NDST3: variants seen among roughly 807,000 people sequenced by gnomAD.
The protein encoded by NDST3 is bifunctional heparan sulfate N-deacetylase/N-sulfotransferase 3.
NDST3 carries 58 observed loss-of-function variants against 96.1 expected under a neutral mutation model. The ratio of observed to expected loss-of-function variants is 0.60; its 90% CI spans 0.49 to 0.75. The LOEUF (loss-of-function observed/expected upper bound fraction) is 0.75, where lower values mean the gene tolerates loss of function less well. Among genes scored for constraint, NDST3 ranks in the 30% least tolerant of loss-of-function variants. The probability of loss-of-function intolerance (pLI) is 0.00; values close to 1 mark genes in which losing one functional copy is unlikely to be tolerated. For synonymous variants in NDST3, 333 were observed against 359.7 expected, an observed-to-expected ratio of 0.93 and a Z score of 0.84; for missense variants, 788 against 1,034.2, an observed-to-expected ratio of 0.76 and a Z score of 3.27.
intron 4 of NDST3, among the ~76,000 whole-genome samples, chr4:118,119,248 T>C (rs1048729080): frequency 6.6e-6 from 1 of 152,226 alleles, no homozygotes; most frequent in African/African-American, 2.4e-5. Flanking sequence ...TTAGTGAGCA[T>C]GTTAACTTTT....
intron 2 of NDST3, among the ~76,000 whole-genome samples, chr4:118,084,323 T>G (rs773252792): frequency 6.6e-6 from 1 of 151,506 alleles, no homozygotes; most frequent in African/African-American, 2.5e-5. Flanking sequence ...ATAACATCAT[T>G]TTGTTTATCT....
intron 4 of NDST3, among the ~76,000 whole-genome samples, chr4:118,131,588 A>G (rs2125889667): frequency 6.6e-6 from 1 of 152,114 alleles, no homozygotes; most frequent in South Asian, 2.1e-4. Flanking sequence ...TTTCTCCAGT[A>G]TTGGTCTCTG....
chr4:118,134,274 A>G (rs1265591447), intron 4 of NDST3, among the ~76,000 whole-genome samples: 1 of 152,240 alleles, frequency 6.6e-6, no homozygotes, highest in African/African-American at 2.4e-5. Flanking sequence ...AAGGCTAGAC[A>G]AAGAAGCAAG....
intron 12 of NDST3, among the ~76,000 whole-genome samples, chr4:118,245,601 A>C (rs1741258701): frequency 1.3e-5 from 2 of 152,158 alleles, no homozygotes; most frequent in African/African-American, 4.8e-5. Context: ...ACTACACTAA[A>C]ACTTTCTTAT....
chr4:118,073,155 T>C (rs1486747556), intron 2 of NDST3, among the ~76,000 whole-genome samples: 1 of 152,100 alleles, frequency 6.6e-6, no homozygotes, highest in Non-Finnish European at 1.5e-5. Context: ...TTTTTGCTTC[T>C]GTGTTCATCC....
At chr4:118,132,635 C>T (rs1311325351) in intron 4 of NDST3, among the ~76,000 whole-genome samples, 1 of 152,126 alleles carries the variant, frequency 6.6e-6, no homozygotes, top group Non-Finnish European at 1.5e-5. Flanking sequence ...AAGCAGGAGT[C>T]TTTCACCATA....
chr4:118,048,065 G>A (rs1359784104), intron 1 of NDST3, among the ~76,000 whole-genome samples: 1 of 152,188 alleles, frequency 6.6e-6, no homozygotes, highest in Non-Finnish European at 1.5e-5. Flanking sequence ...AAGAGATTGA[G>A]AGCCTATTTT....
chr4:118,150,502 A>C (rs1457105468), intron 6 of NDST3, among the ~76,000 whole-genome samples: 1 of 151,916 alleles, frequency 6.6e-6, no homozygotes, highest in Non-Finnish European at 1.5e-5. Flanking sequence ...CAAAGGGCTA[A>C]TATCCAGAAT....
intron 2 of NDST3, among the ~76,000 whole-genome samples, chr4:118,085,958 G>T (rs1052316605): frequency 1.1e-4 from 16 of 152,050 alleles, no homozygotes; most frequent in African/African-American, 3.9e-4. Context: ...TCGTTACTTC[G>T]CATTTATCTG....
At chr4:118,252,998 A>G (rs1741854146) in intron 12 of NDST3, among the ~76,000 whole-genome samples, 2 of 152,340 alleles carry the variant, frequency 1.3e-5, no homozygotes, top group Non-Finnish European at 2.9e-5. Context: ...TAAATGGATT[A>G]TAGCTAGAGA....
At chr4:118,217,995 G>A (rs1739296661) in intron 6 of NDST3, among the ~76,000 whole-genome samples, 1 of 152,018 alleles carries the variant, frequency 6.6e-6, no homozygotes, top group African/African-American at 2.4e-5. Context: ...ACTAAACCAG[G>A]AAGAAGACGA....
intron 2 of NDST3, among the ~76,000 whole-genome samples, chr4:118,058,634 T>TGTGC (rs1491357876): frequency 9.5e-4 from 11 of 11,568 alleles, no homozygotes; most frequent in Admixed American, 2.5e-3. Flanking sequence ...TGTGTGTGTG[T>TGTGC]GCGCGCGCGC....
intron 6 of NDST3, among the ~76,000 whole-genome samples, chr4:118,165,142 T>C (rs1164860717): frequency 6.6e-6 from 1 of 152,092 alleles, no homozygotes; most frequent in Non-Finnish European, 1.5e-5. Flanking sequence ...AGTAGCTGAA[T>C]GGATAACAAA....
chr4:118,075,691 G>A (rs558007136), intron 2 of NDST3, among the ~76,000 whole-genome samples: 4 of 152,294 alleles, frequency 2.6e-5, no homozygotes, highest in South Asian at 2.1e-4. Context: ...TTGCATAAAC[G>A]TCTTCTTTTG....
intron 2 of NDST3, among the ~76,000 whole-genome samples, chr4:118,082,552 T>C (rs1349639712): frequency 6.6e-6 from 1 of 151,960 alleles, no homozygotes; most frequent in Admixed American, 6.6e-5. Flanking sequence ...CTGAGTGACC[T>C]TTGCCACAGA....
In NDST3 at chr4:118,212,721, CT is replaced by C. The variant is rs1406043267; in HGVS notation, c.1540-11768del. ...GATGAAGGGTTTTCTGAATGGCTGA[CT>C]TATTTTTTCTATACATGAGGAAAGA... On this transcript the variant is annotated intron_variant, in intron 6 of 13. Coordinates refer to ENST00000296499, the MANE Select transcript of NDST3 (RefSeq NM_004784.3). 3.3e-5 allele frequency among the ~76,000 whole-genome samples: 5 copies of C among 152,236 alleles called. No homozygotes were observed. The East Asian group carries it at 9.7e-4, about 29-fold the overall frequency.
chr4:118,075,245 G>T (rs2125808195), intron 2 of NDST3, among the ~76,000 whole-genome samples: 1 of 151,840 alleles, frequency 6.6e-6, no homozygotes, highest in Non-Finnish European at 1.5e-5. Flanking sequence ...TATTTTTTAT[G>T]GCATAGTATT....
At chr4:118,042,349 T>C (rs1016213609) in intron 1 of NDST3, among the ~76,000 whole-genome samples, 2 of 152,106 alleles carry the variant, frequency 1.3e-5, no homozygotes, top group African/African-American at 4.8e-5. Flanking sequence ...AAAACCACCT[T>C]AGTCTGGACC....
At chr4:118,181,739 A>G (rs1736622973) in intron 6 of NDST3, among the ~76,000 whole-genome samples, 2 of 152,118 alleles carry the variant, frequency 1.3e-5, no homozygotes, top group Admixed American at 1.3e-4. Flanking sequence ...AACTAATCTT[A>G]TTTACCAGAG....
Sources: allele counts gnomAD v4.1 joint callset (sites outside exome capture counted in the v4.1 genomes callset), GRCh38; gene constraint gnomAD v4.1.1; transcripts MANE v1.5; gene names NCBI Gene and HGNC (gene_info 2026-07-23, HGNC 2026-07-21).